The following DMXL1 variants were observed in gnomAD, a reference collection of about 807,000 sequenced individuals.
The protein encoded by DMXL1 is dmX-like protein 1.
DMXL1 carries 99 observed loss-of-function variants against 319.2 expected under a neutral mutation model. The ratio of observed to expected loss-of-function variants is 0.31; its 90% CI spans 0.26 to 0.37. The LOEUF (loss-of-function observed/expected upper bound fraction) is 0.37. Ranked by LOEUF, DMXL1 falls within the 10% of genes least tolerant of loss-of-function variation. The pLI is 1.00. For missense variants in DMXL1, 3,745 were observed against 3,595.6 expected (o/e 1.04, Z -1.06); for synonymous variants, 1,385 against 1,235.2 (o/e 1.12, Z -2.54).
chr5:119,183,544 C>G (rs1176619619), intron 28 of DMXL1, among the ~76,000 whole-genome samples: 1 of 152,150 alleles, frequency 6.6e-6, no homozygotes, highest in Admixed American at 6.5e-5. Flanking sequence ...GTGATCTCGG[C>G]TCACTGCAGC....
intron 15 of DMXL1, among the ~76,000 whole-genome samples, chr5:119,146,584 A>G (rs1455045009): frequency 1.3e-5 from 2 of 152,040 alleles, no homozygotes; most frequent in Non-Finnish European, 1.5e-5. Context: ...TTTGTGAACA[A>G]TTTGATGATG....
intron 1 of DMXL1, among the ~76,000 whole-genome samples, chr5:119,086,715 A>G (rs977200339): frequency 2.6e-5 from 4 of 152,074 alleles, no homozygotes; most frequent in African/African-American, 7.2e-5. Flanking sequence ...TATGGCTTCC[A>G]TCTCATTACT....
intron 38 of DMXL1, among the ~76,000 whole-genome samples, chr5:119,227,075 T>G (rs967489452): frequency 6.6e-6 from 1 of 152,170 alleles, no homozygotes; most frequent in African/African-American, 2.4e-5. Context: ...GTTTCAATGC[T>G]TTAGGCTATC....
intron 14 of DMXL1, 25 bp from the exon 15 acceptor site, chr5:119,144,511 T>TA (rs754944286): frequency 3.7e-5 from 56 of 1,517,802 alleles, no homozygotes; most frequent in South Asian, 5.9e-5. Context: ...TAGGTCAACT[T>TA]ACGTTGATAT....
chr5:119,106,826 T>C (rs2149825479), intron 4 of DMXL1, among the ~76,000 whole-genome samples: 1 of 152,300 alleles, frequency 6.6e-6, no homozygotes, highest in East Asian at 1.9e-4. Flanking sequence ...TAATGAATAG[T>C]GAAAGGTATA....
At chr5:119,196,143 A>G (rs1779583397) in intron 30 of DMXL1, among the ~76,000 whole-genome samples, 1 of 152,168 alleles carries the variant, frequency 6.6e-6, no homozygotes, top group African/African-American at 2.4e-5. Context: ...TAGGTCAAAA[A>G]TAGTTATTCA....
intron 21 of DMXL1, 24 bp downstream of exon 21, chr5:119,165,304 AGGGTGCTTC>A: frequency 2.1e-6 from 2 of 965,694 alleles, no homozygotes; most frequent in Non-Finnish European, 3.1e-6. Context: ...AAAAAAAAAA[AGGGTGCTTC>A]AATGTGAAAA....
At chr5:119,108,892 C>T (rs956045605) in intron 4 of DMXL1, among the ~76,000 whole-genome samples, 1 of 152,036 alleles carries the variant, frequency 6.6e-6, no homozygotes, top group African/African-American at 2.4e-5. Context: ...ACCTCTGCCT[C>T]CCGGGTTCAA....
Position 119,165,260 on chromosome 5 carries a change from T to C in DMXL1, c.4950T>C (p.Ala1650=). ...TTTACCTTGCAATGAAAAAGAAAGC[T>C]GTGATTTGGGGATTATATAGGTAGG... The part of the protein sequence containing the change: ...AIFYLAMKKK[A]VIWGLYRAEK... The change falls in exon 21 of 44, where the codon GCT becomes GCC. Residue 1650 remains alanine (A), a synonymous_variant. Transcript: ENST00000539542. 6.3e-7 allele frequency: 1 copy of C among 1,587,220 alleles called. No individual in the cohort carries two copies. Among genetic ancestry groups the C allele is most frequent in the East Asian group, 2.3e-5 (1 of 44,290 alleles).
chr5:119,108,717 G>T (rs948921247), intron 4 of DMXL1, among the ~76,000 whole-genome samples: 1 of 152,026 alleles, frequency 6.6e-6, no homozygotes, highest in Non-Finnish European at 1.5e-5. Flanking sequence ...ACTGCACCCA[G>T]CCTTGACAAT....
chr5:119,129,067 A>T (rs1252643191), intron 9 of DMXL1, 144 bp from the exon 10 acceptor site: 4 of 619,018 alleles, frequency 6.5e-6, no homozygotes, highest in Non-Finnish European at 1.1e-5. Context: ...AAAAAAACAA[A>T]ATCTCAAAAT....
At chr5:119,169,304 A>G (rs1774078467) in intron 23 of DMXL1, among the ~76,000 whole-genome samples, 1 of 152,252 alleles carries the variant, frequency 6.6e-6, no homozygotes, top group African/African-American at 2.4e-5. Context: ...ATTGCAAAAA[A>G]TAATAGCGGC....
At chr5:119,201,638 T>G (rs1780729197) in intron 32 of DMXL1, among the ~76,000 whole-genome samples, 1 of 152,178 alleles carries the variant, frequency 6.6e-6, no homozygotes, top group Admixed American at 6.5e-5. Context: ...AGTTTTAGTA[T>G]GAATGGTACC....
At chr5:119,204,543 ATAT>A (rs1781422135) in intron 33 of DMXL1, among the ~76,000 whole-genome samples, 2 of 149,902 alleles carry the variant, frequency 1.3e-5, no homozygotes, top group Non-Finnish European at 3.0e-5. Flanking sequence ...TTATACCTTG[ATAT>A]TATCATAATG....
intron 28 of DMXL1, among the ~76,000 whole-genome samples, chr5:119,188,234 G>A (rs1356146988): frequency 6.6e-6 from 1 of 151,400 alleles, no homozygotes; most frequent in Non-Finnish European, 1.5e-5. Flanking sequence ...TTTTTTCAGA[G>A]ATTGTCTATA....
intron 8 of DMXL1, 29 bp downstream of exon 8, chr5:119,119,033 C>T (rs1232990085): frequency 6.5e-7 from 1 of 1,528,162 alleles, no homozygotes; most frequent in Admixed American, 1.9e-5. Flanking sequence ...TTACTTACTA[C>T]AAGTTTTAAA....
intron 37 of DMXL1, among the ~76,000 whole-genome samples, chr5:119,223,662 T>G (rs1198800633): frequency 2.0e-5 from 3 of 152,176 alleles, no homozygotes; most frequent in Non-Finnish European, 4.4e-5. Context: ...AGAATAAGGT[T>G]GTTCTTTTTT....
chr5:119,238,492 T>A (rs557285456), intron 40 of DMXL1, among the ~76,000 whole-genome samples: 1 of 152,304 alleles, frequency 6.6e-6, no homozygotes, highest in South Asian at 2.1e-4. Context: ...TGTACTTGAA[T>A]TTTTAAAAGC....
chr5:119,101,934 G>T lies in DMXL1; in HGVS notation c.214-1G>T. On this transcript the variant is annotated splice_acceptor_variant, in intron 2 of 43. Coordinates refer to ENST00000539542, the MANE Select transcript of DMXL1 (RefSeq NM_001290321.3). LOFTEE classifies it high-confidence loss of function. The stretch of plus-strand genomic sequence containing the variant: ...ATAAATTCTTTTTTTCTTTTTAAAA[G>T]ATTGCAGCGTCTTATGGAAATGTTA... 6.3e-7 allele frequency: 1 copy of T among 1,589,514 alleles called. No individual in the cohort carries two copies. Among genetic ancestry groups the T allele is most frequent in the Non-Finnish European group, 8.6e-7 (1 of 1,168,444 alleles).
Sources: allele counts gnomAD v4.1 joint callset (sites outside exome capture counted in the v4.1 genomes callset), GRCh38; gene constraint gnomAD v4.1.1; transcripts MANE v1.5; gene names NCBI Gene and HGNC (gene_info 2026-07-23, HGNC 2026-07-21).